PROKR1: variants seen among roughly 807,000 people sequenced by gnomAD.
PROKR1 encodes the protein prokineticin receptor 1.
PROKR1 carries 21 observed loss-of-function variants against 22.8 expected under a neutral mutation model. The ratio of observed to expected loss-of-function variants is 0.92; its 90% CI spans 0.65 to 1.32. PROKR1 has a LOEUF of 1.32. Among genes scored for constraint, PROKR1 ranks in the 40% most tolerant of loss-of-function variants. The pLI is 0.00. For missense variants in PROKR1, 548 were observed against 514.2 expected (o/e 1.07, Z -0.64); for synonymous variants, 193 against 207.5 (o/e 0.93, Z 0.60).
At position 68,645,777 on chromosome 2, in the gene PROKR1, C is replaced by T. The variant is rs752611709; in HGVS notation, c.-45C>T. The T allele has an allele frequency of 2.5e-6, 4 of 1,613,916 alleles. No homozygotes were observed. The highest frequency in any genetic ancestry group is 3.4e-6 in the Non-Finnish European group (4 of 1,180,004). On this transcript the variant is annotated 5_prime_UTR_variant, in exon 2 of 3. Transcript: ENST00000303786. ...GTGACATCAGCCTTGCAGACATTGC[C>T]CTGGGGAATTCTGAGCAGTGTTGCT...
intron 2 of PROKR1, among the ~76,000 whole-genome samples, chr2:68,650,851 A>G (rs182680851): frequency 4.6e-5 from 7 of 152,300 alleles, no homozygotes; most frequent in Admixed American, 2.6e-4. Context: ...CCTTCAACAA[A>G]TGAAGATCAA....
In PROKR1 at chr2:68,655,374, T is replaced by C. The variant is rs755561647; in HGVS notation, c.980T>C (p.Val327Ala). Reference sequence around the variant, plus strand: ...CACTACCTCACTGCCTTCTACATCGTCGAGTGCATCGCCATGAGCAACAGC... The same window carrying C: ...CACTACCTCACTGCCTTCTACATCGCCGAGTGCATCGCCATGAGCAACAGC... Reference protein sequence around the residue: ...EKHYLTAFYIVECIAMSNSMI... With the variant: ...EKHYLTAFYIAECIAMSNSMI... The change falls in exon 3 of 3, where the codon GTC (valine) becomes GCC (alanine). Residue 327 changes from valine (V) to alanine (A), a missense_variant. Transcript: ENST00000303786. 3 of 1,614,218 alleles carry C rather than the reference T, an allele frequency of 1.9e-6. No homozygotes were observed. Among genetic ancestry groups the C allele is most frequent in the Non-Finnish European group, 2.5e-6 (3 of 1,180,008 alleles).
At chr2:68,647,252 G>A (rs1673206085) in intron 2 of PROKR1, among the ~76,000 whole-genome samples, 1 of 152,180 alleles carries the variant, frequency 6.6e-6, no homozygotes, top group East Asian at 1.9e-4. Context: ...CTTCAACTTA[G>A]TCTCTTCCTT....
chr2:68,643,721 G>T lies in PROKR1; in HGVS notation c.-288G>T, dbSNP rs1048964173. 5.3e-5 allele frequency: 8 copies of T among 152,316 alleles called. No individual in the cohort carries two copies. Among genetic ancestry groups the T allele is most frequent in the African/African-American group, 1.9e-4 (8 of 41,472 alleles). The allele number at this position is 152,316 out of a possible 1,614,324, so 9.4% of individuals were successfully genotyped here. A position where few individuals can be genotyped will look rare whatever the true frequency, so the allele number is the denominator to read the frequency against. On this transcript the variant is annotated 5_prime_UTR_variant, in exon 1 of 3. Transcript: ENST00000303786. Reference sequence around the variant, plus strand: ...ACTCCCCCGCCAGAGCCGGGAAAGAGCCCCGAGCAGAGGAGGAAGGGAGCG... The same window carrying T: ...ACTCCCCCGCCAGAGCCGGGAAAGATCCCCGAGCAGAGGAGGAAGGGAGCG...
Position 68,644,830 on chromosome 2 carries a change from AC to A in PROKR1, c.-160-826del, listed in dbSNP as rs35945875. On this transcript the variant is annotated intron_variant, in intron 1 of 2. Transcript: ENST00000303786. ...CCCTGTCCCCACCAGGGCAGCTGAC[AC>A]CCCCCTAGACCCCTCACCCCAGCCC... Among the ~76,000 whole-genome samples, 39 of 151,492 alleles carry A rather than the reference AC, an allele frequency of 2.6e-4. 1 individual carries two copies. The highest frequency in any genetic ancestry group is 9.2e-4 in the African/African-American group (38 of 41,262).
rs537737889 is a variant in PROKR1, at chr2:68,643,636, C to A, written c.-373C>A. ...CTCGGCGCCTCACGGCCACCGGAGG[C>A]GGGGACAGGGAGTCCGGCGCGGGCC... On this transcript the variant is annotated 5_prime_UTR_variant, in exon 1 of 3. Coordinates refer to ENST00000303786, the MANE Select transcript of PROKR1 (RefSeq NM_138964.4). 4 of 152,282 alleles carry A rather than the reference C, an allele frequency of 2.6e-5. No individual in the cohort carries two copies. Among genetic ancestry groups the A allele is most frequent in the Non-Finnish European group, 5.9e-5 (4 of 68,096 alleles). 9.4% of individuals were successfully genotyped at this position (152,282 alleles called of 1,614,324 possible).
At chr2:68,647,453 G>C (rs1673211487) in intron 2 of PROKR1, among the ~76,000 whole-genome samples, 1 of 152,180 alleles carries the variant, frequency 6.6e-6, no homozygotes, top group African/African-American at 2.4e-5. Context: ...CTTTAACCCA[G>C]AGAGCCTGAG....
intron 2 of PROKR1, among the ~76,000 whole-genome samples, chr2:68,654,560 G>C (rs1198086784): frequency 6.6e-6 from 1 of 152,160 alleles, no homozygotes; most frequent in Non-Finnish European, 1.5e-5. Context: ...GCTGCAAAAT[G>C]AAATAGCAGG....
At position 68,655,705 on chromosome 2, in the gene PROKR1, G is replaced by A. The variant is rs1673440203; in HGVS notation, c.*129G>A. On this transcript the variant is annotated 3_prime_UTR_variant, in exon 3 of 3. Coordinates refer to ENST00000303786, the MANE Select transcript of PROKR1 (RefSeq NM_138964.4). ...GTAAAGTAAATGGACCACTCTGTGA[G>A]CAATGTTTTCAAGGAGCTCAGAGTT... The A allele has an allele frequency of 3.4e-6, 3 of 882,118 alleles. No individual in the cohort carries two copies. The South Asian group carries it at 4.4e-5, about 13-fold the overall frequency. The allele number at this position is 882,118 out of a possible 1,614,324, so 54.6% of individuals were successfully genotyped here.
At position 68,655,399 on chromosome 2, in the gene PROKR1, C is replaced by T. The variant is rs747315955; in HGVS notation, c.1005C>T (p.Ser335=). The T allele has an allele frequency of 6.2e-7, 1 of 1,614,074 alleles. No homozygotes were observed. The highest frequency in any genetic ancestry group is 8.5e-7 in the Non-Finnish European group (1 of 1,179,900). The change falls in exon 3 of 3, where the codon AGC becomes AGT. Residue 335 remains serine, a synonymous_variant. Coordinates refer to ENST00000303786, the MANE Select transcript of PROKR1 (RefSeq NM_138964.4). ...TCGAGTGCATCGCCATGAGCAACAGCATGATCAACACTCTGTGCTTCGTGA... is the reference window on the plus strand; with the variant it reads ...TCGAGTGCATCGCCATGAGCAACAGTATGATCAACACTCTGTGCTTCGTGA... The part of the protein sequence containing the change: ...YIVECIAMSN[S]MINTLCFVTV...
At chr2:68,654,546 G>T (rs1212256605) in intron 2 of PROKR1, among the ~76,000 whole-genome samples, 1 of 152,150 alleles carries the variant, frequency 6.6e-6, no homozygotes, top group Non-Finnish European at 1.5e-5. Flanking sequence ...TTGCTCCTTA[G>T]AATGCTGCAA....
rs1400017725 is a variant in PROKR1 at position 68,646,155 on chromosome 2, G to A, written c.334G>A (p.Ala112Thr). 6.2e-7 allele frequency: 1 copy of A among 1,608,142 alleles called. No individual in the cohort carries two copies. Among genetic ancestry groups the A allele is most frequent in the South Asian group, 1.1e-5 (1 of 90,080 alleles). Residue 112 changes from alanine (A) to threonine (T), a missense_variant, in exon 2 of 3, where the codon GCC becomes ACC. Physicochemically the swap from Ala to Thr is moderately conservative, Grantham distance 58. Transcript: ENST00000303786. ...ANLAISDFLV[A>T]IVCCPFEMDY... ...CCTGGCCATCTCTGACTTCCTGGTG[G>A]CCATTGTCTGCTGCCCCTTTGAGAT... is the stretch of plus-strand genomic sequence containing the variant.
In PROKR1 at chr2:68,657,250, G is replaced by A. The variant is rs1349116179; in HGVS notation, c.*1674G>A. On this transcript the variant is annotated 3_prime_UTR_variant, in exon 3 of 3. Transcript: ENST00000303786. ...CTTCAACCACACAAGTTATCAAAAG[G>A]ATGGGCTAGGAACTACGTGTAGTGC... 1 of 152,188 alleles carries A rather than the reference G, an allele frequency of 6.6e-6. No homozygotes were observed. The highest frequency in any genetic ancestry group is 2.4e-5 in the African/African-American group (1 of 41,442). 9.4% of individuals were successfully genotyped at this position (152,188 alleles called of 1,614,324 possible).
chr2:68,646,362 A>C, intron 2 of PROKR1, 56 bp downstream of exon 2: 2 of 1,599,726 alleles, frequency 1.3e-6, no homozygotes, highest in Non-Finnish European at 1.7e-6. Flanking sequence ...GGGGCATTGG[A>C]ATTGCCCCCT....
chr2:68,650,611 A>T (rs750786938), intron 2 of PROKR1, among the ~76,000 whole-genome samples: 2 of 152,184 alleles, frequency 1.3e-5, no homozygotes, highest in Non-Finnish European at 2.9e-5. Context: ...TTAGGTACTC[A>T]GAATTCACAG....
At chr2:68,644,005 C>G (rs1426405185) in intron 1 of PROKR1, among the ~76,000 whole-genome samples, 157 bp downstream of exon 1, 4 of 152,142 alleles carry the variant, frequency 2.6e-5, no homozygotes, top group Non-Finnish European at 4.4e-5. Flanking sequence ...CTCCTCTGTC[C>G]TTAGGGGAAG....
rs1026402747 is a variant in PROKR1, at chr2:68,656,350, T to C, written c.*774T>C. On this transcript the variant is annotated 3_prime_UTR_variant, in exon 3 of 3. Coordinates refer to ENST00000303786, the MANE Select transcript of PROKR1 (RefSeq NM_138964.4). ...AAGCATGTCCCCTGGCTCCATGGAC[T>C]TTTTGCCTTCAGTGAGAAGGGAGAT... 2 of 152,468 alleles carry C rather than the reference T, an allele frequency of 1.3e-5. No homozygotes were observed. Among genetic ancestry groups the C allele is most frequent in the African/African-American group, 4.8e-5 (2 of 41,406 alleles). The allele number at this position is 152,468 out of a possible 1,614,324, so 9.4% of individuals were successfully genotyped here. A position where few individuals can be genotyped will look rare whatever the true frequency, so the allele number is the denominator to read the frequency against.
chr2:68,644,350 G>A (rs1207690816), intron 1 of PROKR1, among the ~76,000 whole-genome samples: 2 of 152,150 alleles, frequency 1.3e-5, no homozygotes, highest in Non-Finnish European at 2.9e-5. Flanking sequence ...TGGGTTCCAA[G>A]CCTGCCCCCC....
At chr2:68,649,140 A>T (rs1005222932) in intron 2 of PROKR1, among the ~76,000 whole-genome samples, 5 of 151,994 alleles carry the variant, frequency 3.3e-5, no homozygotes, top group African/African-American at 7.3e-5. Context: ...GATGTGATTT[A>T]AAAAAAATAC....
Sources: gnomAD v4.1 joint callset for allele counts (sites outside exome capture counted in the v4.1 genomes callset) on GRCh38, gnomAD v4.1.1 for gene constraint, MANE v1.5 for transcripts, NCBI Gene and HGNC (gene_info 2026-07-23, HGNC 2026-07-21) for gene names.